The following NRG3 variants were observed in gnomAD, a reference collection of about 807,000 sequenced individuals.
NRG3 encodes the protein neuregulin 3.
A neutral mutation model predicts 66.9 loss-of-function variants in NRG3; 31 were observed. The ratio of observed to expected loss-of-function variants is 0.46; its 90% CI spans 0.35 to 0.63. NRG3 has a LOEUF of 0.63. Ranked by LOEUF, NRG3 falls within the 20% of genes least tolerant of loss-of-function variation. The pLI is 0.00. For synonymous variants in NRG3, 393 were observed against 359.4 expected (o/e 1.09, Z -1.06); for missense variants, 910 against 878.9 (o/e 1.04, Z -0.45).
Position 82,069,678 on chromosome 10 carries a change from AAAAG to A in NRG3, c.823+193519_823+193522del, listed in dbSNP as rs200793209. Among the ~76,000 whole-genome samples the A allele has an allele frequency of 1.3e-3, 193 of 152,364 alleles. 3 individuals are homozygous for A. In the East Asian group the frequency reaches 0.03, roughly 24 times the overall value. On this transcript the variant is annotated intron_variant, in intron 1 of 8. Transcript: ENST00000372141. The stretch of plus-strand genomic sequence containing the variant: ...TGAAGGTGTTCATACAAAGAAAACA[AAAAG>A]AAACGGAGTCTGGATTGTAGAAAAC...
intron 3 of NRG3, among the ~76,000 whole-genome samples, chr10:82,803,447 T>A (rs549480020): frequency 6.6e-6 from 1 of 152,214 alleles, no homozygotes. Context: ...CAGAAGTATG[T>A]GTATTTCATC....
At chr10:82,984,726 T>C in intron 8 of NRG3, 1 of 1,537,116 alleles carries the variant, frequency 6.5e-7, no homozygotes, top group Non-Finnish European at 8.8e-7. Context: ...GTGTCCTGTT[T>C]GTCACAATGG....
At chr10:82,867,174 A>C (rs957883817) in intron 4 of NRG3, among the ~76,000 whole-genome samples, 2 of 152,144 alleles carry the variant, frequency 1.3e-5, no homozygotes, top group East Asian at 3.9e-4. Flanking sequence ...AGGTAGATGT[A>C]TTTCCTGTTT....
intron 2 of NRG3, among the ~76,000 whole-genome samples, chr10:82,446,315 A>G (rs1172475754): frequency 6.6e-6 from 1 of 152,222 alleles, no homozygotes; most frequent in Non-Finnish European, 1.5e-5. Flanking sequence ...AAATCATTCT[A>G]TTATAAAGAT....
intron 3 of NRG3, among the ~76,000 whole-genome samples, chr10:82,863,724 A>G (rs1004176967): frequency 6.6e-5 from 10 of 151,994 alleles, no homozygotes; most frequent in Admixed American, 3.9e-4. Flanking sequence ...TATTCTTTGT[A>G]TTGCACATTC....
chr10:82,707,528 C>T (rs1160374757), intron 2 of NRG3, among the ~76,000 whole-genome samples: 6 of 150,018 alleles, frequency 4.0e-5, no homozygotes, highest in Non-Finnish European at 8.9e-5. Flanking sequence ...AAGCTGGTAC[C>T]ACTGATGTCT....
At chr10:82,647,339 C>A (rs1010347801) in intron 2 of NRG3, among the ~76,000 whole-genome samples, 2 of 152,058 alleles carry the variant, frequency 1.3e-5, no homozygotes, top group African/African-American at 2.4e-5. Flanking sequence ...TGAACTCATC[C>A]TTTTTTATGG....
At chr10:82,094,121 C>T (rs1194923377) in intron 1 of NRG3, among the ~76,000 whole-genome samples, 1 of 151,966 alleles carries the variant, frequency 6.6e-6, no homozygotes, top group African/African-American at 2.4e-5. Flanking sequence ...TTGAAAGAGA[C>T]TTTGAGAGCC....
intron 1 of NRG3, among the ~76,000 whole-genome samples, chr10:82,161,275 G>A (rs193142769): frequency 1.3e-5 from 2 of 152,212 alleles, no homozygotes; most frequent in East Asian, 3.9e-4. Context: ...TCAATCACTA[G>A]TTTCATAACT....
chr10:82,919,084 T>TGTGC (rs1454911942), intron 4 of NRG3, among the ~76,000 whole-genome samples: 3 of 149,314 alleles, frequency 2.0e-5, no homozygotes, highest in African/African-American at 5.0e-5. Flanking sequence ...TGTGTGTGTG[T>TGTGC]GTGTGTGTGT....
chr10:82,327,008 G>A (rs2081907175), intron 1 of NRG3, among the ~76,000 whole-genome samples: 1 of 152,148 alleles, frequency 6.6e-6, no homozygotes, highest in African/African-American at 2.4e-5. Flanking sequence ...TTAAAATTAG[G>A]AAGTGATGCT....
intron 3 of NRG3, among the ~76,000 whole-genome samples, chr10:82,858,307 A>G (rs1028306699): frequency 7.9e-5 from 12 of 152,094 alleles, no homozygotes; most frequent in Non-Finnish European, 1.5e-4. Context: ...CCTCCTAATC[A>G]GAACTCTTAA....
At chr10:82,907,537 G>T (rs1844867839) in intron 4 of NRG3, among the ~76,000 whole-genome samples, 2 of 152,084 alleles carry the variant, frequency 1.3e-5, no homozygotes, top group African/African-American at 4.8e-5. Context: ...GAATAAAAGG[G>T]ATATTAATTT....
At chr10:82,965,424 A>T (rs1851115276) in intron 6 of NRG3, among the ~76,000 whole-genome samples, 1 of 152,208 alleles carries the variant, frequency 6.6e-6, no homozygotes, top group African/African-American at 2.4e-5. Flanking sequence ...AACTGCATGC[A>T]TTTGGATGGA....
rs182975324 is a variant in NRG3, at chr10:82,289,292, C to T, written c.824-69447C>T. 4.3e-3 allele frequency among the ~76,000 whole-genome samples: 650 copies of T among 150,786 alleles called. 9 individuals carry two copies. Among genetic ancestry groups the T allele is most frequent in the Admixed American group, 0.011 (172 of 15,206 alleles). On this transcript the variant is annotated intron_variant, in intron 1 of 8. Transcript: ENST00000372141. Reference sequence around the variant, plus strand: ...GAGTAGTACCTGTCTCTCTGTCCCCCTTTTCTCCCCCTCCTCAGGCAAAAT... The same window carrying T: ...GAGTAGTACCTGTCTCTCTGTCCCCTTTTTCTCCCCCTCCTCAGGCAAAAT...
chr10:82,667,471 G>A (rs756189811), intron 2 of NRG3, among the ~76,000 whole-genome samples: 4 of 152,140 alleles, frequency 2.6e-5, no homozygotes, highest in Non-Finnish European at 4.4e-5. Flanking sequence ...CAAAGTACCC[G>A]TTGACTCTAA....
intron 4 of NRG3, among the ~76,000 whole-genome samples, chr10:82,877,972 T>G (rs1841983705): frequency 6.6e-6 from 1 of 152,250 alleles, no homozygotes; most frequent in Admixed American, 6.5e-5. Flanking sequence ...TTTTGAACTA[T>G]TTGTCCAAAG....
intron 2 of NRG3, among the ~76,000 whole-genome samples, chr10:82,668,312 A>C (rs1205694384): frequency 3.3e-5 from 5 of 152,174 alleles, no homozygotes; most frequent in African/African-American, 4.8e-5. Context: ...CCACTCTTAA[A>C]TGATCCTGAA....
intron 3 of NRG3, among the ~76,000 whole-genome samples, chr10:82,816,271 A>G (rs2061700271): frequency 6.6e-6 from 1 of 152,238 alleles, no homozygotes; most frequent in South Asian, 2.1e-4. Context: ...TCCAGGACGA[A>G]TGAGGTATGC....
Sources: allele counts gnomAD v4.1 joint callset (sites outside exome capture counted in the v4.1 genomes callset), GRCh38; gene constraint gnomAD v4.1.1; transcripts MANE v1.5; gene names NCBI Gene and HGNC (gene_info 2026-07-23, HGNC 2026-07-21).